Variants in RCBTB2 observed in about 807,000 individuals in gnomAD.
The protein encoded by RCBTB2 is RCC1 and BTB domain containing protein 2, also known as RCC1 and BTB domain-containing protein 2.
Under a neutral mutation model 65.4 loss-of-function variants are expected in RCBTB2, and 55 were observed. The observed-to-expected ratio is 0.84, with a 90% confidence interval of 0.68 to 1.05. The LOEUF is 1.05. Ranked by LOEUF, RCBTB2 falls within the 50% of genes least tolerant of loss-of-function variation. RCBTB2 has a pLI of 0.00. For synonymous variants in RCBTB2, 220 were observed against 255.2 expected (o/e 0.86, Z 1.31); for missense variants, 599 against 680.1 (o/e 0.88, Z 1.33).
chr13:48,524,045 T>G (rs1951569648), intron 2 of RCBTB2, among the ~76,000 whole-genome samples: 1 of 152,186 alleles, frequency 6.6e-6, no homozygotes, highest in African/African-American at 2.4e-5. Flanking sequence ...TAAATCAAGA[T>G]TAATTACTAT....
chr13:48,507,861 C>T (rs1023058301), intron 10 of RCBTB2, among the ~76,000 whole-genome samples: 2 of 152,242 alleles, frequency 1.3e-5, no homozygotes, highest in African/African-American at 2.4e-5. Flanking sequence ...CAATCTGTCC[C>T]CAAGGTACTG....
At position 48,521,914 on chromosome 13, in the gene RCBTB2, G is replaced by A; in HGVS notation, c.26C>T (p.Ser9Phe). The A allele has an allele frequency of 6.2e-7, 1 of 1,613,842 alleles. No individual in the cohort carries two copies. Among genetic ancestry groups the A allele is most frequent in the Non-Finnish European group, 8.5e-7 (1 of 1,179,868 alleles). Residue 9 changes from serine (S) to phenylalanine (F), a missense_variant, in exon 4 of 15, where the codon TCT becomes TTT. Transcript: ENST00000344532. ...TTTTCTAACCTTGCCACTGTCTCCA[G>A]AGAAAAGAGGAAGTTCTTCTTCCAT... Reference protein sequence around the residue: MEEELPLFSGDSGKPVQAT... With the variant: MEEELPLFFGDSGKPVQAT...
intron 14 of RCBTB2, among the ~76,000 whole-genome samples, chr13:48,493,225 T>TCACACACACACACA (rs3085589): frequency 0.018 from 1,981 of 109,066 alleles, 135 homozygotes; most frequent in African/African-American, 0.086. Flanking sequence ...GTACCCTCCT[T>TCACACACACACACA]CACACACACA....
At chr13:48,535,639 A>G (rs1476653058), upstream of RCBTB2, 1 of 456,212 alleles carries the variant, frequency 2.2e-6, no homozygotes, top group Admixed American at 2.4e-5. Context: ...GTCACCAATG[A>G]CCTCAGAATT....
At chr13:48,492,976 T>C (rs1949763872) in intron 14 of RCBTB2, among the ~76,000 whole-genome samples, 1 of 152,118 alleles carries the variant, frequency 6.6e-6, no homozygotes, top group East Asian at 1.9e-4. Context: ...TTCTGATATT[T>C]CCCCCAAAAT....
chr13:48,534,136 G>A (rs114491347), upstream of RCBTB2, among the ~76,000 whole-genome samples: 1,030 of 152,296 alleles, frequency 6.8e-3, 21 homozygotes, highest in African/African-American at 0.024. Flanking sequence ...ATGGTACACA[G>A]GTATTTCTTG....
rs762484243 is a variant in RCBTB2 at position 48,490,210 on chromosome 13, C to CAG, written c.1555_1556dup (p.Thr520Ter). ...AACCTGATGTTTGTGTTACTACAGTCAGATGGTTTATGCAAAACCTGAAGC... is the reference window on the plus strand; with the variant it reads ...AACCTGATGTTTGTGTTACTACAGTCAGAGATGGTTTATGCAAAACCTGAAGC... On this transcript the variant is annotated frameshift_variant, in exon 15 of 15. Coordinates refer to ENST00000344532, the MANE Select transcript of RCBTB2 (RefSeq NM_001268.4). LOFTEE classifies it high-confidence loss of function. 1 of 1,613,776 alleles carries CAG rather than the reference C, an allele frequency of 6.2e-7. No homozygotes were observed. The highest frequency in any genetic ancestry group is 8.5e-7 in the Non-Finnish European group (1 of 1,179,690).
intron 2 of RCBTB2, among the ~76,000 whole-genome samples, chr13:48,523,624 T>TA (rs1387321273): frequency 2.0e-5 from 3 of 151,798 alleles, no homozygotes; most frequent in African/African-American, 7.3e-5. Flanking sequence ...TTTACTGGAA[T>TA]AAAAAATAAA....
At chr13:48,504,205 C>G in intron 10 of RCBTB2, 1 of 985,464 alleles carries the variant, frequency 1.0e-6, no homozygotes, top group Non-Finnish European at 1.2e-6. Context: ...GCCTTAGACT[C>G]TCTCTTCTGC....
At position 48,515,347 on chromosome 13, in the gene RCBTB2, C is replaced by T. The variant is rs1951026180; in HGVS notation, c.207G>A (p.Val69=). The part of the protein sequence containing the change: ...LYTTVNDEIF[V]LGTNCCGCLG... Reference sequence around the variant, plus strand: ...AACAGCCACAGCAGTTTGTGCCAAGCACAAAAATCTATGGGAAAAACCACT... The same window carrying T: ...AACAGCCACAGCAGTTTGTGCCAAGTACAAAAATCTATGGGAAAAACCACT... Residue 69 remains valine, a synonymous_variant, in exon 6 of 15, where the codon GTG becomes GTA. Transcript: ENST00000344532. 7.4e-6 allele frequency: 12 copies of T among 1,612,362 alleles called. No homozygotes were observed. The highest frequency in any genetic ancestry group is 1.0e-5 in the Non-Finnish European group (12 of 1,179,500).
chr13:48,491,447 C>T (rs1318015436), intron 14 of RCBTB2, among the ~76,000 whole-genome samples: 1 of 152,194 alleles, frequency 6.6e-6, no homozygotes, highest in Non-Finnish European at 1.5e-5. Flanking sequence ...AAAATTCACA[C>T]ACCCACTTGT....
intron 14 of RCBTB2, among the ~76,000 whole-genome samples, chr13:48,493,779 A>G (rs1017935082): frequency 6.6e-6 from 1 of 151,986 alleles, no homozygotes; most frequent in Admixed American, 6.6e-5. Context: ...TTCTTTCCAT[A>G]TCACTTGTCA....
chr13:48,530,847 T>C (rs1422909170), intron 1 of RCBTB2, among the ~76,000 whole-genome samples: 2 of 152,242 alleles, frequency 1.3e-5, no homozygotes, highest in Non-Finnish European at 2.9e-5. Context: ...ACCTATATAC[T>C]ATAAAAAATG....
chr13:48,499,837 T>C (rs1346228093), intron 12 of RCBTB2, 77 bp from the exon 13 acceptor site: 76 of 1,553,060 alleles, frequency 4.9e-5, no homozygotes, highest in Non-Finnish European at 6.0e-5. Context: ...CACGTTCTTC[T>C]CTCGAAGGTG....
chr13:48,524,120 T>C (rs1593791166), intron 2 of RCBTB2, among the ~76,000 whole-genome samples: 1 of 152,240 alleles, frequency 6.6e-6, no homozygotes, highest in African/African-American at 2.4e-5. Context: ...GGCTTTTTTT[T>C]TTACATTATT....
At position 48,502,878 on chromosome 13, in the gene RCBTB2, C is replaced by T. The variant is rs144797596; in HGVS notation, c.963G>A (p.Thr321=). 1.7e-5 allele frequency: 28 copies of T among 1,613,838 alleles called. No homozygotes were observed. Among genetic ancestry groups the T allele is most frequent in the African/African-American group, 2.7e-5 (2 of 74,918 alleles). Reference sequence around the variant, plus strand: ...GCCCACCCTGCGTCTTGGCCGCAGACGTGTGTGTGGAGTGACAGGCTGCAA... The same window carrying T: ...GCCCACCCTGCGTCTTGGCCGCAGATGTGTGTGTGGAGTGACAGGCTGCAA... ...IEIAACHSTH[T]SAAKTQGGHV... The change falls in exon 11 of 15, where the codon ACG becomes ACA. Residue 321 remains threonine (T), a synonymous_variant. Transcript: ENST00000344532.
rs758285958 is a variant in RCBTB2 at position 48,499,657 on chromosome 13, T to C, written c.1348A>G (p.Thr450Ala). 1.2e-6 allele frequency: 2 copies of C among 1,614,226 alleles called. No individual in the cohort carries two copies. Among genetic ancestry groups the C allele is most frequent in the Non-Finnish European group, 1.7e-6 (2 of 1,180,036 alleles). The change falls in exon 13 of 15, where the codon ACA becomes GCA. Residue 450 changes from threonine (T) to alanine (A), a missense_variant. Transcript: ENST00000344532. Reference sequence around the variant, plus strand: ...TCAGGAGAAAGGCTGATGCTGTCTGTGTATAGGTATTCCAGGAAGGCCCGG... The same window carrying C: ...TCAGGAGAAAGGCTGATGCTGTCTGCGTATAGGTATTCCAGGAAGGCCCGG... ...VYRAFLEYLY[T>A]DSISLSPEEA...
At chr13:48,527,362 T>G in intron 1 of RCBTB2, among the ~76,000 whole-genome samples, 1 of 96,136 alleles carries the variant, frequency 1.0e-5, no homozygotes, top group Non-Finnish European at 1.7e-5. Context: ...GATATATATT[T>G]ATATATGATA....
At chr13:48,501,399 C>T (rs1460052994) in intron 12 of RCBTB2, among the ~76,000 whole-genome samples, 5 of 152,160 alleles carry the variant, frequency 3.3e-5, no homozygotes, top group African/African-American at 1.2e-4. Context: ...AAGAGCTGAG[C>T]TTGATTCCCA....
Sources: gnomAD v4.1 joint callset for allele counts (sites outside exome capture counted in the v4.1 genomes callset) on GRCh38, gnomAD v4.1.1 for gene constraint, MANE v1.5 for transcripts, NCBI Gene and HGNC (gene_info 2026-07-23, HGNC 2026-07-21) for gene names.